XRCC4: variants seen among roughly 807,000 people sequenced by gnomAD.
The protein encoded by XRCC4 is DNA repair protein XRCC4.
A neutral mutation model predicts 39.1 loss-of-function variants in XRCC4; 28 were observed. The ratio of observed to expected loss-of-function variants is 0.72; its 90% confidence interval spans 0.53 to 0.98. The LOEUF is 0.98. XRCC4 is among the 50% of genes least tolerant of loss of function. XRCC4 has a pLI of 0.00. For missense variants in XRCC4, 350 were observed against 376.4 expected (o/e 0.93, Z 0.58); for synonymous variants, 123 against 126.4 (o/e 0.97, Z 0.18).
intron 3 of XRCC4, among the ~76,000 whole-genome samples, chr5:83,133,937 G>A (rs145982088): frequency 2.0e-5 from 3 of 152,308 alleles, no homozygotes; most frequent in African/African-American, 4.8e-5. Flanking sequence ...TCTGCTGGCG[G>A]GGCAGTGTGA....
the XRCC4 span, among the ~76,000 whole-genome samples, chr5:83,365,111 G>A: frequency 6.6e-6 from 1 of 152,108 alleles, no homozygotes. Context: ...GAGGCCATTC[G>A]ATGGGAGTTC....
chr5:83,118,077 CA>C (rs1561339092), intron 3 of XRCC4, among the ~76,000 whole-genome samples: 1 of 49,700 alleles, frequency 2.0e-5, no homozygotes, highest in Non-Finnish European at 4.9e-5. Context: ...CACACACACA[CA>C]TATGTATATA....
chr5:83,197,881 G>C (rs1293639806), intron 4 of XRCC4, among the ~76,000 whole-genome samples: 1 of 152,092 alleles, frequency 6.6e-6, no homozygotes, highest in Non-Finnish European at 1.5e-5. Flanking sequence ...TTGTATTCCA[G>C]ATCTTAGATT....
At chr5:83,146,641 A>G (rs1445586970) in intron 3 of XRCC4, among the ~76,000 whole-genome samples, 2 of 152,216 alleles carry the variant, frequency 1.3e-5, no homozygotes, top group African/African-American at 4.8e-5. Flanking sequence ...TATTGCAAGC[A>G]CCAAGCATAG....
intron 3 of XRCC4, 89 bp downstream of exon 3, chr5:83,111,292 T>C (rs990251861): frequency 7.6e-6 from 8 of 1,050,106 alleles, no homozygotes; most frequent in Non-Finnish European, 1.0e-5. Context: ...TACTATATTA[T>C]TCCCAGAACA....
chr5:83,205,685 A>G (rs1242064469), intron 6 of XRCC4, among the ~76,000 whole-genome samples: 1 of 152,164 alleles, frequency 6.6e-6, no homozygotes, highest in Non-Finnish European at 1.5e-5. Flanking sequence ...AAACACAAAA[A>G]TCTGTGCCAT....
At chr5:83,214,848 A>C (rs1751794826) in intron 6 of XRCC4, among the ~76,000 whole-genome samples, 1 of 134,452 alleles carries the variant, frequency 7.4e-6, no homozygotes, top group South Asian at 2.4e-4. Flanking sequence ...AAAAAAAAAA[A>C]TAATAATAAT....
intron 7 of XRCC4, among the ~76,000 whole-genome samples, chr5:83,298,715 CT>C (rs1170398700): frequency 2.0e-5 from 3 of 151,752 alleles, no homozygotes; most frequent in Non-Finnish European, 4.4e-5. Context: ...CATTGTTTCT[CT>C]TCTTTTAGTA....
rs148193477 is a variant in XRCC4, at chr5:83,187,626, G to T, written c.316-8144G>T. Among the ~76,000 whole-genome samples, 18 of 152,300 alleles carry T rather than the reference G, an allele frequency of 1.2e-4. No individual in the cohort carries two copies. The East Asian group carries it at 3.5e-3, about 29-fold the overall frequency. ...TGGCACGGTAGTCACAGGCCAGACT[G>T]CTGTCCATTGGAGAGTATTTCAAGA... On this transcript the variant is annotated intron_variant, in intron 3 of 7. Transcript: ENST00000396027.
At chr5:83,273,056 A>G (rs1297713407) in intron 7 of XRCC4, among the ~76,000 whole-genome samples, 3 of 152,166 alleles carry the variant, frequency 2.0e-5, no homozygotes, top group African/African-American at 7.2e-5. Flanking sequence ...GTGTCAAAGC[A>G]TTCCTATTCC....
intron 3 of XRCC4, among the ~76,000 whole-genome samples, chr5:83,144,664 T>A (rs1748364881): frequency 6.7e-6 from 1 of 150,064 alleles, no homozygotes; most frequent in South Asian, 2.1e-4. Context: ...CTTTTCTACC[T>A]CCATTCTCTT....
At chr5:83,257,679 A>G (rs1249725958) in intron 6 of XRCC4, among the ~76,000 whole-genome samples, 1 of 152,214 alleles carries the variant, frequency 6.6e-6, no homozygotes, top group African/African-American at 2.4e-5. Flanking sequence ...CAGCAATCCC[A>G]TTACTGGGTA....
At chr5:83,350,823 GC>G (rs1318387441) in intron 7 of XRCC4, among the ~76,000 whole-genome samples, 2 of 151,998 alleles carry the variant, frequency 1.3e-5, no homozygotes, top group African/African-American at 2.4e-5. Flanking sequence ...TGGGGACTTG[GC>G]CAAAAATTCT....
downstream of XRCC4, among the ~76,000 whole-genome samples, chr5:83,356,099 T>C (rs1367163931): frequency 7.9e-5 from 12 of 151,870 alleles, no homozygotes; most frequent in Admixed American, 1.3e-4. Flanking sequence ...AAAAAACTTT[T>C]AAATATATGA....
rs149624542 is a variant in XRCC4 at position 83,245,802 on chromosome 5, C to T, written c.746-12728C>T. Among the ~76,000 whole-genome samples the T allele has an allele frequency of 6.0e-3, 914 of 151,984 alleles. 3 individuals are homozygous for T. The highest frequency in any genetic ancestry group is 0.01 in the Non-Finnish European group (703 of 67,886). ...AAAGTTTCAGTAAAAATCTATTTCTCGATCTGTTCTCTTTCCCCCACTTTT... is the reference window on the plus strand; with the variant it reads ...AAAGTTTCAGTAAAAATCTATTTCTTGATCTGTTCTCTTTCCCCCACTTTT... On this transcript the variant is annotated intron_variant, in intron 6 of 7. Transcript: ENST00000396027.
intron 7 of XRCC4, among the ~76,000 whole-genome samples, chr5:83,346,776 A>G (rs1756929352): frequency 6.6e-6 from 1 of 152,216 alleles, no homozygotes; most frequent in Non-Finnish European, 1.5e-5. Flanking sequence ...AAAATTACAA[A>G]TATGAAATGA....
At chr5:83,196,546 A>G (rs1246485400) in intron 4 of XRCC4, among the ~76,000 whole-genome samples, 2 of 151,942 alleles carry the variant, frequency 1.3e-5, no homozygotes, top group African/African-American at 4.8e-5. Context: ...ACTAAATCCT[A>G]ATCTAGGCTG....
intron 7 of XRCC4, among the ~76,000 whole-genome samples, chr5:83,276,151 G>T (rs900305943): frequency 8.5e-5 from 13 of 152,118 alleles, no homozygotes; most frequent in Non-Finnish European, 1.6e-4. Context: ...GCGATATGTG[G>T]TACAATACTT....
intron 7 of XRCC4, among the ~76,000 whole-genome samples, chr5:83,330,322 A>C (rs1201438895): frequency 6.6e-6 from 1 of 152,034 alleles, no homozygotes; most frequent in African/African-American, 2.4e-5. Context: ...TCATAGCAGC[A>C]TTATTTTTGC....
Sources: gnomAD v4.1 joint callset for allele counts (sites outside exome capture counted in the v4.1 genomes callset) on GRCh38, gnomAD v4.1.1 for gene constraint, MANE v1.5 for transcripts, NCBI Gene and HGNC (gene_info 2026-07-23, HGNC 2026-07-21) for gene names.